ASH1L: variants seen among roughly 807,000 people sequenced by gnomAD.
ASH1L encodes ASH1 like histone lysine methyltransferase, also known as histone-lysine N-methyltransferase ASH1L.
A neutral mutation model predicts 269.0 loss-of-function variants in ASH1L; 23 were observed. That is an observed-to-expected ratio of 0.09 (90% CI 0.06 to 0.12). The LOEUF is 0.12. Among genes scored for constraint, ASH1L ranks in the 10% least tolerant of loss-of-function variants. The pLI, the probability that ASH1L is intolerant of heterozygous loss-of-function variation, is 1.00. For synonymous variants in ASH1L, 1,187 were observed against 1,253.5 expected, an observed-to-expected ratio of 0.95 and a Z score of 1.12; for missense variants, 2,912 against 3,567.8, an observed-to-expected ratio of 0.82 and a Z score of 4.68.
At chr1:155,500,158 T>C (rs997333123) in intron 2 of ASH1L, among the ~76,000 whole-genome samples, 4 of 152,242 alleles carry the variant, frequency 2.6e-5, no homozygotes, top group Non-Finnish European at 1.5e-5. Context: ...GCTTCCGTAA[T>C]AGAAGTCATT....
chr1:155,494,019 A>G (rs1343206276), intron 2 of ASH1L, among the ~76,000 whole-genome samples: 2 of 152,218 alleles, frequency 1.3e-5, no homozygotes, highest in Non-Finnish European at 2.9e-5. Flanking sequence ...AGTAGAGAAA[A>G]TAAGTAAAAT....
Position 155,480,735 on chromosome 1 carries a change from C to CT in ASH1L, c.2134dup (p.Arg712LysfsTer10), listed in dbSNP as rs1558150870. The stretch of plus-strand genomic sequence containing the variant: ...AGTCCACCGAGGTTTTCTTCCTTTT[C>CT]TTTTTTTTAATGGTTTGGACTGCAA... On this transcript the variant is annotated frameshift_variant, in exon 3 of 28. Coordinates refer to ENST00000392403, the MANE Select transcript of ASH1L (RefSeq NM_018489.3). LOFTEE classifies it high-confidence loss of function. 1.9e-6 allele frequency: 3 copies of CT among 1,612,854 alleles called. No individual in the cohort carries two copies. Among genetic ancestry groups the CT allele is most frequent in the South Asian group, 1.1e-5 (1 of 90,998 alleles).
At chr1:155,540,501 T>C (rs1275513569) in intron 1 of ASH1L, among the ~76,000 whole-genome samples, 1 of 152,076 alleles carries the variant, frequency 6.6e-6, no homozygotes, top group Non-Finnish European at 1.5e-5. Context: ...TGGGTGCAGT[T>C]ACTCAAACCT....
chr1:155,541,428 C>T (rs1670420834), intron 1 of ASH1L, among the ~76,000 whole-genome samples: 1 of 151,884 alleles, frequency 6.6e-6, no homozygotes, highest in Non-Finnish European at 1.5e-5. Context: ...AACCCATGCC[C>T]TAATTAGTTT....
rs772377979 is a variant in ASH1L at position 155,342,037 on chromosome 1, G to A, written c.8359C>T (p.His2787Tyr). 6.2e-7 allele frequency: 1 copy of A among 1,614,108 alleles called. No homozygotes were observed. Among genetic ancestry groups the A allele is most frequent in the Non-Finnish European group, 8.5e-7 (1 of 1,180,038 alleles). ...ICDYRLDKSA[H>Y]LFYKIHRNRY... The stretch of plus-strand genomic sequence containing the variant: ...TTCCGGTGGATCTTGTAAAACAGGT[G>A]TGCTGACTTGTCAAGCCGATAATCA... The change falls in exon 25 of 28, where the codon CAC becomes TAC. Residue 2787 changes from histidine to tyrosine, a missense_variant. By Grantham distance (83) the His-to-Tyr change is moderately conservative. Around this residue, in one of 13 missense-constraint regions of ASH1L, gnomAD observed 179 missense variants for 293.8 expected, o/e 0.61. Coordinates refer to ENST00000392403, the MANE Select transcript of ASH1L (RefSeq NM_018489.3).
At chr1:155,358,329 T>C (rs1398037436) in intron 13 of ASH1L, among the ~76,000 whole-genome samples, 1 of 152,126 alleles carries the variant, frequency 6.6e-6, no homozygotes, top group Non-Finnish European at 1.5e-5. Context: ...TTGGGCACTA[T>C]GTATCTCAGA....
At chr1:155,501,407 A>G (rs894993313) in intron 2 of ASH1L, among the ~76,000 whole-genome samples, 3 of 152,126 alleles carry the variant, frequency 2.0e-5, no homozygotes, top group Admixed American at 6.5e-5. Context: ...GTCTCACTCT[A>G]TCACCTAGGC....
Position 155,547,741 on chromosome 1 carries a change from G to T in ASH1L, c.-100+14412C>A, listed in dbSNP as rs563162944. Among the ~76,000 whole-genome samples the T allele has an allele frequency of 4.6e-5, 7 of 151,894 alleles. No homozygotes were observed. In the East Asian group the frequency reaches 1.4e-3, roughly 29 times the overall value. ...TCAGTCTCAAAAAAAAAAAGGCCAG[G>T]CACAGTGGCTCATGAAGTCAGGAGA... is the stretch of plus-strand genomic sequence containing the variant. On this transcript the variant is annotated intron_variant, in intron 1 of 27. Coordinates refer to ENST00000392403, the MANE Select transcript of ASH1L (RefSeq NM_018489.3).
chr1:155,520,957 CTTATT>C, intron 2 of ASH1L, 138 bp downstream of exon 2: 1 of 793,076 alleles, frequency 1.3e-6, no homozygotes, highest in South Asian at 1.9e-5. Context: ...AGCCTTGGGG[CTTATT>C]TTAAGGCTCA....
intron 13 of ASH1L, 76 bp downstream of exon 13, chr1:155,360,225 G>A: frequency 3.9e-6 from 4 of 1,017,138 alleles, no homozygotes; most frequent in Non-Finnish European, 6.1e-6. Context: ...AGTCAATCAT[G>A]TTTACAGAAA....
At chr1:155,554,749 A>G (rs1671467137) in intron 1 of ASH1L, among the ~76,000 whole-genome samples, 1 of 152,202 alleles carries the variant, frequency 6.6e-6, no homozygotes, top group African/African-American at 2.4e-5. Context: ...CCCCACACCT[A>G]AGCACAGAAA....
chr1:155,339,924 T>C (rs1312707983), intron 25 of ASH1L, among the ~76,000 whole-genome samples: 1 of 152,126 alleles, frequency 6.6e-6, no homozygotes, highest in Non-Finnish European at 1.5e-5. Context: ...TAGGAAGGAA[T>C]TCTTCAGCTC....
At chr1:155,417,468 T>C (rs1660308514) in intron 5 of ASH1L, among the ~76,000 whole-genome samples, 1 of 152,064 alleles carries the variant, frequency 6.6e-6, no homozygotes, top group African/African-American at 2.4e-5. Flanking sequence ...ATGTGAAGGG[T>C]GAAATTCCAT....
At chr1:155,529,032 AT>A (rs111295211) in intron 1 of ASH1L, among the ~76,000 whole-genome samples, 36 of 147,712 alleles carry the variant, frequency 2.4e-4, no homozygotes, top group African/African-American at 7.2e-4. Flanking sequence ...ACATGATCTC[AT>A]TTTTTTTTTG....
rs143806642 is a variant in ASH1L at position 155,448,702 on chromosome 1, G to A, written c.5087-9634C>T. Among the ~76,000 whole-genome samples, 502 of 152,098 alleles carry A rather than the reference G, an allele frequency of 3.3e-3. 3 individuals are homozygous for A. Among genetic ancestry groups the A allele is most frequent in the African/African-American group, 0.012 (485 of 41,490 alleles). ...AGTAGAGACTGGGTTTCACCATGTTGGTCAGGCTGGTCTCAAACTCCTGAC... is the reference window on the plus strand; with the variant it reads ...AGTAGAGACTGGGTTTCACCATGTTAGTCAGGCTGGTCTCAAACTCCTGAC... On this transcript the variant is annotated intron_variant, in intron 4 of 27. Transcript: ENST00000392403.
At position 155,338,344 on chromosome 1, in the gene ASH1L, C is replaced by T; in HGVS notation, c.8548G>A (p.Gly2850Ser). Residue 2850 changes from glycine to serine, a missense_variant, in exon 27 of 28, where the codon GGC becomes AGC. Around this residue, in one of 13 missense-constraint regions of ASH1L, gnomAD observed 154 missense variants for 165.0 expected, o/e 0.93. Coordinates refer to ENST00000392403, the MANE Select transcript of ASH1L (RefSeq NM_018489.3). ...AAGGGTAGAGCATCATCCTCCTGGC[C>T]CAAGTCTTTTAGGGGTGGCTTTGAG... ...ERSKPPLKDLGQEDDALPLIE... is the reference protein window; with the variant it reads ...ERSKPPLKDLSQEDDALPLIE... 1 of 1,613,976 alleles carries T rather than the reference C, an allele frequency of 6.2e-7. No homozygotes were observed. Among genetic ancestry groups the T allele is most frequent in the Non-Finnish European group, 8.5e-7 (1 of 1,179,992 alleles).
At chr1:155,471,763 T>TG (rs1474677133) in intron 3 of ASH1L, among the ~76,000 whole-genome samples, 2 of 152,252 alleles carry the variant, frequency 1.3e-5, no homozygotes, top group East Asian at 3.8e-4. Flanking sequence ...TGCACGAAGT[T>TG]GCAAATTTTT....
intron 1 of ASH1L, among the ~76,000 whole-genome samples, chr1:155,523,880 A>G (rs1457920902): frequency 6.6e-6 from 1 of 152,158 alleles, no homozygotes; most frequent in Admixed American, 6.5e-5. Context: ...GGTGCCAATA[A>G]TTTAGTAGTA....
At chr1:155,372,357 G>T (rs1051475563) in intron 10 of ASH1L, among the ~76,000 whole-genome samples, 10 of 151,612 alleles carry the variant, frequency 6.6e-5, no homozygotes, top group Non-Finnish European at 1.3e-4. Context: ...CACCCAGGCT[G>T]GAGTGCAGTG....
Sources: gnomAD v4.1 joint callset for allele counts (sites outside exome capture counted in the v4.1 genomes callset) on GRCh38, gnomAD v4.1.1 for gene constraint, gnomAD v4.1.1 regional missense constraint, MANE v1.5 for transcripts, NCBI Gene and HGNC (gene_info 2026-07-23, HGNC 2026-07-21) for gene names.